PDE1C: variants seen among roughly 807,000 people sequenced by gnomAD.
PDE1C encodes phosphodiesterase 1C, also known as dual specificity calcium/calmodulin-dependent 3',5'-cyclic nucleotide phosphodiesterase 1C.
A neutral mutation model predicts 93.1 loss-of-function variants in PDE1C; 62 were observed. That is an observed-to-expected ratio of 0.67 (90% CI 0.54 to 0.82). PDE1C has a LOEUF of 0.82. Ranked by LOEUF, PDE1C falls within the 40% of genes least tolerant of loss-of-function variation. The pLI is 0.00. For synonymous variants in PDE1C, 325 were observed against 310.1 expected, an observed-to-expected ratio of 1.05 and a Z score of -0.50; for missense variants, 742 against 884.6, an observed-to-expected ratio of 0.84 and a Z score of 2.04.
intron 2 of PDE1C, among the ~76,000 whole-genome samples, chr7:31,927,700 G>A (rs1444840930): frequency 1.3e-5 from 2 of 152,174 alleles, no homozygotes; most frequent in Non-Finnish European, 2.9e-5. Flanking sequence ...ACCTGCAGAA[G>A]AGAGTCCTGT....
chr7:31,857,417 G>A (rs578227413), intron 7 of PDE1C, among the ~76,000 whole-genome samples: 11 of 152,186 alleles, frequency 7.2e-5, no homozygotes, highest in African/African-American at 1.4e-4. Context: ...TTGCTGGTTC[G>A]GATTTCTGGA....
intron 1 of PDE1C, among the ~76,000 whole-genome samples, chr7:32,331,905 G>A (rs1783523665): frequency 6.6e-6 from 1 of 152,154 alleles, no homozygotes; most frequent in South Asian, 2.1e-4. Flanking sequence ...ATATGGCTCA[G>A]AGCCACAAGG....
downstream of PDE1C, among the ~76,000 whole-genome samples, chr7:31,749,181 T>C (rs936685830): frequency 6.6e-6 from 1 of 151,926 alleles, no homozygotes; most frequent in African/African-American, 2.4e-5. Flanking sequence ...GACAAGAGAA[T>C]TTGCATTCTC....
chr7:32,095,517 G>C (rs543287231), intron 3 of PDE1C, among the ~76,000 whole-genome samples: 1 of 152,296 alleles, frequency 6.6e-6, no homozygotes, highest in African/African-American at 2.4e-5. Context: ...GAGGTATATG[G>C]GTTGGCCAGA....
the PDE1C span, among the ~76,000 whole-genome samples, chr7:31,628,733 G>T: frequency 6.6e-6 from 1 of 152,132 alleles, no homozygotes; most frequent in Non-Finnish European, 1.5e-5. Flanking sequence ...TGGGATTACA[G>T]GCTTGAGCCA....
chr7:31,638,366 G>A, the PDE1C span, among the ~76,000 whole-genome samples: 1 of 152,108 alleles, frequency 6.6e-6, no homozygotes, highest in Non-Finnish European at 1.5e-5. Flanking sequence ...CTATTACTCA[G>A]GTTAAAGGCT....
chr7:31,692,634 T>A, the PDE1C span: 1 of 955,836 alleles, frequency 1.0e-6, no homozygotes, highest in Non-Finnish European at 1.6e-6. Context: ...AACCTGATAG[T>A]CTGTGCCTTC....
At chr7:32,322,342 T>C (rs975881649) in intron 1 of PDE1C, among the ~76,000 whole-genome samples, 2 of 152,098 alleles carry the variant, frequency 1.3e-5, no homozygotes, top group African/African-American at 4.8e-5. Flanking sequence ...CCTACATGCC[T>C]CCCAAAACCA....
chr7:32,060,096 C>T (rs1254564349), intron 1 of PDE1C, among the ~76,000 whole-genome samples: 1 of 152,242 alleles, frequency 6.6e-6, no homozygotes, highest in Non-Finnish European at 1.5e-5. Context: ...AAATCTCACT[C>T]TTCACAGATC....
chr7:31,786,578 G>C (rs1464386005), intron 16 of PDE1C: 1 of 152,130 alleles, frequency 6.6e-6, no homozygotes, highest in Non-Finnish European at 1.5e-5. Flanking sequence ...TGTGTTTCCT[G>C]AATGCTGACC....
chr7:32,173,542 T>C (rs1289102146), intron 2 of PDE1C, among the ~76,000 whole-genome samples: 1 of 150,940 alleles, frequency 6.6e-6, no homozygotes, highest in East Asian at 1.9e-4. Context: ...AAAAAAACAC[T>C]GTCAGATCAC....
intron 1 of PDE1C, among the ~76,000 whole-genome samples, chr7:32,398,668 C>T (rs928987036): frequency 3.3e-5 from 5 of 152,068 alleles, no homozygotes; most frequent in African/African-American, 1.2e-4. Flanking sequence ...GGATTACAGG[C>T]GTGAACCACG....
intron 3 of PDE1C, among the ~76,000 whole-genome samples, chr7:32,155,557 C>A (rs1330483969): frequency 6.6e-6 from 1 of 152,136 alleles, no homozygotes; most frequent in East Asian, 1.9e-4. Flanking sequence ...GCTGATTAAC[C>A]CAGAAAAGGT....
intron 14 of PDE1C, among the ~76,000 whole-genome samples, chr7:31,820,084 G>A (rs1788770814): frequency 6.6e-6 from 1 of 151,964 alleles, no homozygotes; most frequent in Non-Finnish European, 1.5e-5. Flanking sequence ...AGAAAAATAT[G>A]TAAACGAATC....
At chr7:31,972,592 C>T (rs147294762) in intron 2 of PDE1C, among the ~76,000 whole-genome samples, 13 of 152,220 alleles carry the variant, frequency 8.5e-5, no homozygotes, top group East Asian at 3.9e-4. Flanking sequence ...TTGGACAAGA[C>T]GGCATAGACT....
chr7:32,235,867 T>G (rs1388386689), intron 1 of PDE1C, among the ~76,000 whole-genome samples: 1 of 152,096 alleles, frequency 6.6e-6, no homozygotes, highest in African/African-American at 2.4e-5. Flanking sequence ...AAGAATAAAG[T>G]TGTAGGGCTC....
intron 1 of PDE1C, among the ~76,000 whole-genome samples, chr7:32,357,699 C>T (rs1784059124): frequency 6.6e-6 from 1 of 152,166 alleles, no homozygotes; most frequent in African/African-American, 2.4e-5. Flanking sequence ...TTTTCAGGAC[C>T]TAACACCAGC....
At chr7:32,254,103 C>A (rs1045617030) in intron 1 of PDE1C, among the ~76,000 whole-genome samples, 3 of 152,212 alleles carry the variant, frequency 2.0e-5, no homozygotes, top group South Asian at 4.2e-4. Context: ...CGATACGGGG[C>A]GTATCAGAGG....
At position 32,167,521 on chromosome 7, in the gene PDE1C, T is replaced by C. The variant is rs117546493; in HGVS notation, c.308+2264A>G. 2.6e-5 allele frequency among the ~76,000 whole-genome samples: 4 copies of C among 152,192 alleles called. No individual in the cohort carries two copies. In the East Asian group the frequency reaches 7.7e-4, roughly 29 times the overall value. On this transcript the variant is annotated intron_variant, in intron 3 of 18. Transcript: ENST00000396193. ...TTCACTGAGGTCAGAAAGTACATGCTCAACATGAGACCTCATTTCCCTAGT... is the reference window on the plus strand; with the variant it reads ...TTCACTGAGGTCAGAAAGTACATGCCCAACATGAGACCTCATTTCCCTAGT...
Sources: gnomAD v4.1 joint callset for allele counts (sites outside exome capture counted in the v4.1 genomes callset) on GRCh38, gnomAD v4.1.1 for gene constraint, MANE v1.5 for transcripts, NCBI Gene and HGNC (gene_info 2026-07-23, HGNC 2026-07-21) for gene names.